The following N4BP2 variants were observed in gnomAD, a reference collection of about 807,000 sequenced individuals.
The protein encoded by N4BP2 is NEDD4-binding protein 2.
Under a neutral mutation model 152.8 loss-of-function variants are expected in N4BP2, and 91 were observed. The ratio of observed to expected loss-of-function variants is 0.60; its 90% CI spans 0.50 to 0.71. The LOEUF (loss-of-function observed/expected upper bound fraction) is 0.71, where lower values mean the gene tolerates loss of function less well. Ranked by LOEUF, N4BP2 falls within the 30% of genes least tolerant of loss-of-function variation. N4BP2 has a pLI of 0.00. For missense variants in N4BP2, 1,923 were observed against 2,059.1 expected (o/e 0.93, Z 1.28); for synonymous variants, 646 against 705.3 (o/e 0.92, Z 1.33).
downstream of N4BP2, among the ~76,000 whole-genome samples, chr4:40,159,089 G>A (rs1243125365): frequency 6.6e-6 from 1 of 152,138 alleles, no homozygotes; most frequent in African/African-American, 2.4e-5. Flanking sequence ...AATGAATAAA[G>A]CCACATAGAC....
At chr4:40,065,707 C>T (rs1481690793) in intron 1 of N4BP2, among the ~76,000 whole-genome samples, 3 of 152,016 alleles carry the variant, frequency 2.0e-5, no homozygotes, top group East Asian at 3.9e-4. Context: ...ATTCTGTGTG[C>T]ACAGAGAAAA....
intron 14 of N4BP2, among the ~76,000 whole-genome samples, chr4:40,140,946 T>G (rs1004498248): frequency 3.3e-5 from 5 of 150,310 alleles, no homozygotes; most frequent in African/African-American, 1.2e-4. Context: ...CAGAAGAATT[T>G]TTCTTAGTAC....
At chr4:40,106,316 CTT>C (rs1434196810) in intron 4 of N4BP2, among the ~76,000 whole-genome samples, 1 of 151,850 alleles carries the variant, frequency 6.6e-6, no homozygotes, top group African/African-American at 2.4e-5. Context: ...TTATTTATCT[CTT>C]TGTGTTTAAT....
At chr4:40,187,085 A>T in the N4BP2 span, among the ~76,000 whole-genome samples, 35,582 of 152,192 alleles carry the variant, frequency 0.23, 4,214 homozygotes, top group Non-Finnish European at 0.25. Flanking sequence ...AGGGAATACT[A>T]CCAAGACAAG....
chr4:40,109,074 C>A (rs551073876), intron 5 of N4BP2, among the ~76,000 whole-genome samples: 2 of 151,794 alleles, frequency 1.3e-5, no homozygotes, highest in Non-Finnish European at 2.9e-5. Context: ...CTCAGCCTCC[C>A]GAAGTGCTGG....
intron 14 of N4BP2, among the ~76,000 whole-genome samples, chr4:40,139,380 A>G (rs959842126): frequency 6.6e-6 from 1 of 151,942 alleles, no homozygotes; most frequent in Admixed American, 6.6e-5. Flanking sequence ...TACAGGCTTG[A>G]GCCACCGCAC....
At chr4:40,070,108 ACCACAGGTAC>A (rs1163209691) in intron 1 of N4BP2, among the ~76,000 whole-genome samples, 1 of 152,118 alleles carries the variant, frequency 6.6e-6, no homozygotes, top group East Asian at 1.9e-4. Context: ...ATACATTGAA[ACCACAGGTAC>A]CCACCTGCTT....
At chr4:40,072,242 ATTT>A (rs34754962) in intron 1 of N4BP2, among the ~76,000 whole-genome samples, 7 of 117,546 alleles carry the variant, frequency 6.0e-5, no homozygotes, top group Admixed American at 1.8e-4. Context: ...TGCCTGGCTA[ATTT>A]TTTTTTTTTT....
At chr4:40,175,887 G>T in the N4BP2 span, among the ~76,000 whole-genome samples, 1 of 150,096 alleles carries the variant, frequency 6.7e-6, no homozygotes, top group Non-Finnish European at 1.5e-5. Flanking sequence ...TCAGGAGATC[G>T]AGACCATCTT....
intron 12 of N4BP2, among the ~76,000 whole-genome samples, chr4:40,129,895 G>A (rs1718765736): frequency 6.6e-6 from 1 of 152,080 alleles, no homozygotes; most frequent in African/African-American, 2.4e-5. Flanking sequence ...TTAATTTTAA[G>A]ATGATTAAGG....
intron 2 of N4BP2, among the ~76,000 whole-genome samples, chr4:40,091,980 TCAA>T: frequency 4.8e-5 from 1 of 20,968 alleles, no homozygotes; most frequent in East Asian, 2.0e-3. Context: ...AGACCTTGTG[TCAA>T]AAAAAAAAAA....
intron 4 of N4BP2, among the ~76,000 whole-genome samples, chr4:40,106,330 T>G (rs1295465712): frequency 6.6e-6 from 1 of 152,108 alleles, no homozygotes; most frequent in Non-Finnish European, 1.5e-5. Context: ...GTGTTTAATT[T>G]TTTTTCTTTT....
chr4:40,092,007 A>AAT (rs1417559048), intron 2 of N4BP2, among the ~76,000 whole-genome samples: 1 of 33,314 alleles, frequency 3.0e-5, no homozygotes, highest in African/African-American at 1.2e-4. Context: ...AAAAAAAAAA[A>AAT]TTATATATAT....
At chr4:40,084,033 C>G (rs1320904890) in intron 2 of N4BP2, among the ~76,000 whole-genome samples, 1 of 152,230 alleles carries the variant, frequency 6.6e-6, no homozygotes, top group East Asian at 1.9e-4. Context: ...GATCTCTGCT[C>G]ACTGCAACCT....
At position 40,106,693 on chromosome 4, in the gene N4BP2, C is replaced by T. The variant is rs189098726; in HGVS notation, c.1374-207C>T. 7.8e-4 allele frequency among the ~76,000 whole-genome samples: 118 copies of T among 152,084 alleles called. 3 individuals are homozygous for T. Among genetic ancestry groups the T allele is most frequent in the Non-Finnish European group, 6.6e-4 (45 of 67,986 alleles). ...CCTCCCTAGTAGCTGGGACTATAGG[C>T]GCATGCCACCGTACCTGGCTAATTT... is the stretch of plus-strand genomic sequence containing the variant. On this transcript the variant is annotated intron_variant, in intron 4 of 17. Coordinates refer to ENST00000261435, the MANE Select transcript of N4BP2 (RefSeq NM_018177.6).
At chr4:40,074,501 G>A (rs987100416) in intron 2 of N4BP2, among the ~76,000 whole-genome samples, 3 of 151,844 alleles carry the variant, frequency 2.0e-5, no homozygotes, top group African/African-American at 7.3e-5. Flanking sequence ...GAGCCACCAC[G>A]CCTGGCCTAC....
At position 40,155,078 on chromosome 4, in the gene N4BP2, A is replaced by C. The variant is rs1721479793; in HGVS notation, c.*841A>C. The C allele has an allele frequency of 6.6e-6, 1 of 152,218 alleles. No homozygotes were observed. The highest frequency in any genetic ancestry group is 2.4e-5 in the African/African-American group (1 of 41,452). The allele number at this position is 152,218 out of a possible 1,614,324, so 9.4% of individuals were successfully genotyped here. The stretch of plus-strand genomic sequence containing the variant: ...AACTGCAGTAGGTTAAAATTCTATT[A>C]AACAAATATAGAAAATATTTTGTTT... On this transcript the variant is annotated 3_prime_UTR_variant, in exon 18 of 18. Transcript: ENST00000261435.
At chr4:40,082,998 C>A in intron 2 of N4BP2, 1 of 248,898 alleles carries the variant, frequency 4.0e-6, no homozygotes, top group Admixed American at 4.2e-5. Flanking sequence ...CCGCACCCGG[C>A]CGGGCTGTAT....
At chr4:40,169,127 A>G in the N4BP2 span, among the ~76,000 whole-genome samples, 7,875 of 152,050 alleles carry the variant, frequency 0.052, 426 homozygotes, top group East Asian at 0.26. Flanking sequence ...TCTCGCCTGT[A>G]ATCCCAGCAC....
Sources: gnomAD v4.1 joint callset for allele counts (sites outside exome capture counted in the v4.1 genomes callset) on GRCh38, gnomAD v4.1.1 for gene constraint, MANE v1.5 for transcripts, NCBI Gene and HGNC (gene_info 2026-07-23, HGNC 2026-07-21) for gene names.